ASIC2: variants seen among roughly 807,000 people sequenced by gnomAD.
ASIC2 encodes acid-sensing ion channel 2.
A neutral mutation model predicts 57.3 loss-of-function variants in ASIC2; 25 were observed. The observed-to-expected ratio is 0.44, with a 90% CI of 0.32 to 0.61. ASIC2 has a LOEUF of 0.61. Ranked by LOEUF, ASIC2 falls within the 20% of genes least tolerant of loss-of-function variation. The pLI is 0.06. For missense variants in ASIC2, 641 were observed against 738.1 expected, an observed-to-expected ratio of 0.87 and a Z score of 1.52; for synonymous variants, 319 against 307.5, an observed-to-expected ratio of 1.04 and a Z score of -0.39.
intron 1 of ASIC2, among the ~76,000 whole-genome samples, chr17:33,892,615 C>T (rs1323804079): frequency 1.3e-5 from 2 of 152,202 alleles, no homozygotes; most frequent in Non-Finnish European, 2.9e-5. Flanking sequence ...GACCAGCATG[C>T]CTTCCTCACT....
intron 1 of ASIC2, among the ~76,000 whole-genome samples, chr17:33,631,955 C>T (rs2142027517): frequency 1.3e-5 from 2 of 152,220 alleles, no homozygotes; most frequent in Non-Finnish European, 2.9e-5. Flanking sequence ...TGGGGAAGGG[C>T]CCAAAAGTGG....
Position 33,510,385 on chromosome 17 carries a change from C to T in ASIC2, c.556-398318G>A, listed in dbSNP as rs190596459. On this transcript the variant is annotated intron_variant, in intron 1 of 9. Coordinates refer to the ASIC2 transcript ENST00000359872. The stretch of plus-strand genomic sequence containing the variant: ...AGCAGAGGGTAGCCTGGCATGGTGG[C>T]TCATGCCTGTAATCCCAGCACTTGG... Among the ~76,000 whole-genome samples the T allele has an allele frequency of 2.7e-3, 417 of 152,282 alleles. 4 individuals are homozygous for T. Among genetic ancestry groups the T allele is most frequent in the African/African-American group, 9.7e-3 (402 of 41,562 alleles).
At chr17:33,806,073 G>A (rs1440121468) in intron 1 of ASIC2, among the ~76,000 whole-genome samples, 1 of 150,938 alleles carries the variant, frequency 6.6e-6, no homozygotes, top group Non-Finnish European at 1.5e-5. Flanking sequence ...CACCCGCAGG[G>A]GCTCCCATGT....
rs150873541 is a variant in ASIC2 at position 34,033,658 on chromosome 17, G to A, written c.555+122320C>T. The stretch of plus-strand genomic sequence containing the variant: ...GAAAAGAGAGAAGAATCAAATAGAC[G>A]CAATAAAAAATGATGAAGGGGCTAT... On this transcript the variant is annotated intron_variant, in intron 1 of 9. Transcript: ENST00000359872. 6.2e-4 allele frequency among the ~76,000 whole-genome samples: 94 copies of A among 152,062 alleles called. 1 individual carries two copies. The highest frequency in any genetic ancestry group is 8.8e-4 in the Non-Finnish European group (60 of 67,956).
At position 33,192,175 on chromosome 17, in the gene ASIC2, G is replaced by C. The variant is rs530768697; in HGVS notation, c.709-80108C>G. On this transcript the variant is annotated intron_variant, in intron 1 of 9. Coordinates refer to ENST00000225823, the MANE Select transcript of ASIC2 (RefSeq NM_183377.2). Reference sequence around the variant, plus strand: ...TGGAGACAAGATCCTGAGGTCAGGAGCTCAAGACCAGCCTGGTCAACATGG... The same window carrying C: ...TGGAGACAAGATCCTGAGGTCAGGACCTCAAGACCAGCCTGGTCAACATGG... Among the ~76,000 whole-genome samples the C allele has an allele frequency of 2.6e-5, 4 of 152,274 alleles. No homozygotes were observed. In the East Asian group the frequency reaches 7.7e-4, roughly 29 times the overall value.
rs183141393 is a variant in ASIC2 at position 34,124,459 on chromosome 17, T to C, written c.555+31519A>G. ...ACATATGGTGATACCACTTCCTTAT[T>C]TATGGCTCAGACTTCTTAACTTTGC... On this transcript the variant is annotated intron_variant, in intron 1 of 9. Coordinates refer to the ASIC2 transcript ENST00000359872. 2.1e-4 allele frequency among the ~76,000 whole-genome samples: 32 copies of C among 152,306 alleles called. 1 individual carries two copies. The East Asian group carries it at 6.2e-3, about 29-fold the overall frequency.
At chr17:34,095,628 T>TATAA (rs1288468520) in intron 1 of ASIC2, among the ~76,000 whole-genome samples, 3 of 67,816 alleles carry the variant, frequency 4.4e-5, no homozygotes, top group Admixed American at 1.6e-4. Flanking sequence ...TATATATATA[T>TATAA]AATTTTATAT....
intron 1 of ASIC2, among the ~76,000 whole-genome samples, chr17:34,018,316 C>G (rs1436165988): frequency 6.6e-6 from 1 of 152,164 alleles, no homozygotes; most frequent in Non-Finnish European, 1.5e-5. Flanking sequence ...ATCTACTGCA[C>G]AAAAACAAAT....
At chr17:33,106,816 C>A (rs1435493639) in intron 2 of ASIC2, among the ~76,000 whole-genome samples, 2 of 152,026 alleles carry the variant, frequency 1.3e-5, no homozygotes, top group Non-Finnish European at 2.9e-5. Context: ...GGGGCAGGAT[C>A]TGTAAAATAT....
At chr17:33,064,654 G>A (rs2092035689) in intron 3 of ASIC2, among the ~76,000 whole-genome samples, 1 of 152,206 alleles carries the variant, frequency 6.6e-6, no homozygotes, top group Admixed American at 6.5e-5. Flanking sequence ...ACCCACTTGA[G>A]GAGGCAGTCT....
At chr17:33,960,979 G>A (rs1904901767) in intron 1 of ASIC2, among the ~76,000 whole-genome samples, 2 of 152,122 alleles carry the variant, frequency 1.3e-5, no homozygotes, top group Non-Finnish European at 2.9e-5. Context: ...GATAAATAAT[G>A]CAGGCAACCC....
intron 1 of ASIC2, among the ~76,000 whole-genome samples, chr17:33,761,892 C>T (rs1910793698): frequency 1.3e-5 from 2 of 151,306 alleles, no homozygotes; most frequent in South Asian, 4.2e-4. Flanking sequence ...CATTTCAAAG[C>T]CCACAAATCA....
chr17:33,265,305 C>T (rs1909420320), intron 1 of ASIC2, among the ~76,000 whole-genome samples: 1 of 152,334 alleles, frequency 6.6e-6, no homozygotes, highest in African/African-American at 2.4e-5. Context: ...GGTACATATA[C>T]ACCATGGAAT....
intron 1 of ASIC2, among the ~76,000 whole-genome samples, chr17:33,887,784 G>A (rs2141944751): frequency 6.6e-6 from 1 of 152,286 alleles, no homozygotes; most frequent in South Asian, 2.1e-4. Context: ...ACTGCAGGGA[G>A]CAGTTTTAGA....
chr17:33,049,421 C>T (rs1212117383), intron 3 of ASIC2, among the ~76,000 whole-genome samples: 1 of 152,170 alleles, frequency 6.6e-6, no homozygotes, highest in African/African-American at 2.4e-5. Context: ...TTTCTATATC[C>T]TAACATGTCT....
chr17:33,330,709 C>CT (rs1213951565), intron 1 of ASIC2, among the ~76,000 whole-genome samples: 1 of 152,190 alleles, frequency 6.6e-6, no homozygotes. Context: ...TTCTAGTCCT[C>CT]TTTCCCTGCA....
At chr17:33,784,716 C>T (rs7211369) in intron 1 of ASIC2, among the ~76,000 whole-genome samples, 84,658 of 151,950 alleles carry the variant, frequency 0.56, 24,609 homozygotes, top group Non-Finnish European at 0.65. Flanking sequence ...ATACCTATAG[C>T]ACTTCTTGAT....
chr17:33,878,285 A>G (rs964164910), intron 1 of ASIC2, among the ~76,000 whole-genome samples: 3 of 152,256 alleles, frequency 2.0e-5, no homozygotes, highest in African/African-American at 7.2e-5. Flanking sequence ...TGAGAGAAGA[A>G]GGCTTCAGAT....
At chr17:33,865,869 A>G (rs1053482661) in intron 1 of ASIC2, among the ~76,000 whole-genome samples, 1 of 151,886 alleles carries the variant, frequency 6.6e-6, no homozygotes, top group African/African-American at 2.4e-5. Context: ...GACTTTTACC[A>G]GCTCCCTACC....
Sources: gnomAD v4.1 joint callset for allele counts (sites outside exome capture counted in the v4.1 genomes callset) on GRCh38, gnomAD v4.1.1 for gene constraint, MANE v1.5 for transcripts, NCBI Gene and HGNC (gene_info 2026-07-23, HGNC 2026-07-21) for gene names.